Variants in LOC128462377 observed in about 807,000 individuals in gnomAD.
chr16:89,386,409 C>T, the LOC128462377 span, among the ~76,000 whole-genome samples: 1 of 152,160 alleles, frequency 6.6e-6, no homozygotes, highest in African/African-American at 2.4e-5. Flanking sequence ...CACCCTTTAC[C>T]CAAGGAGACG....
At chr16:89,410,884 G>C in the LOC128462377 span, among the ~76,000 whole-genome samples, 1 of 152,234 alleles carries the variant, frequency 6.6e-6, no homozygotes, top group African/African-American at 2.4e-5. Flanking sequence ...GCGTGAACAC[G>C]TGTTCTACAC....
chr16:89,367,805 G>T, the LOC128462377 span, among the ~76,000 whole-genome samples: 7 of 152,146 alleles, frequency 4.6e-5, 1 homozygote, highest in African/African-American at 1.7e-4. Flanking sequence ...TTCAAAAGCA[G>T]GTGGGGAGCC....
At chr16:89,347,550 G>A in the LOC128462377 span, among the ~76,000 whole-genome samples, 534 of 150,262 alleles carry the variant, frequency 3.6e-3, no homozygotes, top group Non-Finnish European at 5.6e-3. Context: ...GATGGAGGTT[G>A]CAGCGAGCCA....
At chr16:89,333,028 A>G in the LOC128462377 span, among the ~76,000 whole-genome samples, 1 of 152,178 alleles carries the variant, frequency 6.6e-6, no homozygotes, top group East Asian at 1.9e-4. Flanking sequence ...GTGGTCCCCC[A>G]GAGTGACAGG....
At chr16:89,407,687 A>G in the LOC128462377 span, among the ~76,000 whole-genome samples, 1 of 150,844 alleles carries the variant, frequency 6.6e-6, no homozygotes, top group African/African-American at 2.4e-5. Flanking sequence ...ACACACACAT[A>G]GACACACACA....
At chr16:89,352,989 T>C in the LOC128462377 span, among the ~76,000 whole-genome samples, 4 of 152,240 alleles carry the variant, frequency 2.6e-5, no homozygotes, top group Non-Finnish European at 5.9e-5. Context: ...AAACCTTGAA[T>C]ATATTAACTT....
chr16:89,368,329 T>C, the LOC128462377 span, among the ~76,000 whole-genome samples: 1 of 149,164 alleles, frequency 6.7e-6, no homozygotes, highest in Non-Finnish European at 1.5e-5. Flanking sequence ...CCTGAATAGC[T>C]GGGATTACAG....
At chr16:89,386,314 C>T in the LOC128462377 span, among the ~76,000 whole-genome samples, 3 of 151,816 alleles carry the variant, frequency 2.0e-5, no homozygotes, top group Non-Finnish European at 2.9e-5. Context: ...ACAGACAATG[C>T]ACTAATTCTC....
At chr16:89,399,095 G>C in the LOC128462377 span, among the ~76,000 whole-genome samples, 1 of 152,172 alleles carries the variant, frequency 6.6e-6, no homozygotes, top group African/African-American at 2.4e-5. Context: ...CCTGAACACT[G>C]ACCTCCTGTC....
chr16:89,367,062 A>C, the LOC128462377 span, among the ~76,000 whole-genome samples: 10,624 of 151,678 alleles, frequency 0.07, 975 homozygotes, highest in African/African-American at 0.22. Flanking sequence ...TGCTAGGACG[A>C]CCTCTCCTCT....
the LOC128462377 span, among the ~76,000 whole-genome samples, chr16:89,341,850 GCACCTCCACCCACA>G: frequency 6.7e-6 from 1 of 150,022 alleles, no homozygotes; most frequent in Non-Finnish European, 1.5e-5. Flanking sequence ...CGGGAGTGCT[GCACCTCCACCCACA>G]GCGGCCACGG....
the LOC128462377 span, among the ~76,000 whole-genome samples, chr16:89,393,002 A>C: frequency 6.6e-6 from 1 of 151,810 alleles, no homozygotes; most frequent in African/African-American, 2.4e-5. Context: ...ACTCCAGCCT[A>C]TTTCTTCACA....
the LOC128462377 span, among the ~76,000 whole-genome samples, chr16:89,388,059 A>G: frequency 2.0e-5 from 3 of 151,922 alleles, no homozygotes; most frequent in African/African-American, 7.3e-5. Context: ...TTCCTTTTTT[A>G]AACTTCAGAC....
At chr16:89,369,240 T>C in the LOC128462377 span, among the ~76,000 whole-genome samples, 6 of 151,952 alleles carry the variant, frequency 3.9e-5, no homozygotes, top group South Asian at 4.2e-4. Context: ...CAAAAGGCAG[T>C]GCAGCGACCT....
the LOC128462377 span, among the ~76,000 whole-genome samples, chr16:89,391,976 G>C: frequency 6.6e-6 from 1 of 150,652 alleles, no homozygotes; most frequent in African/African-American, 2.5e-5. Flanking sequence ...CTCTTCCTTA[G>C]TTGAAGGTGT....
the LOC128462377 span, among the ~76,000 whole-genome samples, chr16:89,367,366 C>G: frequency 2.0e-5 from 3 of 152,258 alleles, no homozygotes; most frequent in Non-Finnish European, 4.4e-5. Context: ...AGACCTCCCA[C>G]CACTGCTTCC....
the LOC128462377 span, among the ~76,000 whole-genome samples, chr16:89,403,313 C>G: frequency 3.3e-5 from 5 of 152,310 alleles, no homozygotes; most frequent in South Asian, 6.2e-4. Flanking sequence ...CTGCTCCCCC[C>G]TCCTGACCGG....
the LOC128462377 span, among the ~76,000 whole-genome samples, chr16:89,414,154 G>C: frequency 2.0e-5 from 3 of 152,190 alleles, no homozygotes; most frequent in Non-Finnish European, 4.4e-5. Flanking sequence ...ATTTCAGCAA[G>C]ACAGAACCTG....
chr16:89,416,318 G>A, the LOC128462377 span, among the ~76,000 whole-genome samples: 1 of 151,070 alleles, frequency 6.6e-6, no homozygotes, highest in South Asian at 2.1e-4. Flanking sequence ...TTTTTCCCCA[G>A]AGACAGAGTC....
Sources: allele counts gnomAD v4.1 joint callset (sites outside exome capture counted in the v4.1 genomes callset), GRCh38; gene constraint gnomAD v4.1.1; transcripts MANE v1.5.